AGAP6: variants seen among roughly 807,000 people sequenced by gnomAD.
The protein encoded by AGAP6 is arf-GAP with GTPase, ANK repeat and PH domain-containing protein 6.
A neutral mutation model predicts 63.9 loss-of-function variants in AGAP6; 29 were observed. That is an observed-to-expected ratio of 0.45 (90% CI 0.34 to 0.62). The LOEUF is 0.62. AGAP6 is among the 20% of genes least tolerant of loss of function. The pLI, the probability that AGAP6 is intolerant of heterozygous loss-of-function variation, is 0.01. For synonymous variants in AGAP6, 199 were observed against 332.9 expected, an observed-to-expected ratio of 0.60 and a Z score of 4.38; for missense variants, 493 against 884.9, an observed-to-expected ratio of 0.56 and a Z score of 5.62.
At position 49,992,386 on chromosome 10, in the gene AGAP6, G is replaced by A. The variant is rs533106399; in HGVS notation, c.361+642G>A. On this transcript the variant is annotated intron_variant, in intron 3 of 7. Transcript: ENST00000412531. Reference sequence around the variant, plus strand: ...CAAGCCATACACAGCCAAGTTTTCCGGTTGACTTAAACAGCAAGAATACAA... The same window carrying A: ...CAAGCCATACACAGCCAAGTTTTCCAGTTGACTTAAACAGCAAGAATACAA... Among the ~76,000 whole-genome samples the A allele has an allele frequency of 2.2e-4, 33 of 152,162 alleles. No homozygotes were observed. In the East Asian group the frequency reaches 3.1e-3, roughly 14 times the overall value.
rs782270146 is a variant in AGAP6 at position 49,994,438 on chromosome 10, A to G, written c.396+9A>G. The G allele has an allele frequency of 3.3e-6, 5 of 1,526,806 alleles. No individual in the cohort carries two copies. The highest frequency in any genetic ancestry group is 2.3e-5 in the South Asian group (2 of 88,384). 94.6% of individuals were successfully genotyped at this position (1,526,806 alleles called of 1,614,324 possible). On this transcript the variant is annotated intron_variant, in intron 4 of 7. Transcript: ENST00000412531. ...GCAACTGTACAAACCATGTAAGTAA[A>G]CACTCAAATACTTAAGAAATTGATA...
chr10:49,996,443 T>C (rs1265715385), intron 4 of AGAP6, among the ~76,000 whole-genome samples: 1 of 152,004 alleles, frequency 6.6e-6, no homozygotes, highest in Non-Finnish European at 1.5e-5. Context: ...GAGACCTCAG[T>C]GTATTATCTG....
rs782530635 is a variant in AGAP6, at chr10:50,008,737, A to C, written c.612A>C (p.Lys204Asn). 37 of 1,614,102 alleles carry C rather than the reference A, an allele frequency of 2.3e-5. No individual in the cohort carries two copies. Among genetic ancestry groups the C allele is most frequent in the Non-Finnish European group, 1.7e-6 (2 of 1,180,002 alleles). ...FAVSTVHIMK[K>N]RNGGGSLNNY... is the part of the protein sequence containing the mutation. ...TTTCCACCGTGCACATTATGAAGAAAAGAAATGGAGGTGGGAGTTTAAATA... is the reference window on the plus strand; with the variant it reads ...TTTCCACCGTGCACATTATGAAGAACAGAAATGGAGGTGGGAGTTTAAATA... Residue 204 changes from lysine to asparagine, a missense_variant, in exon 8 of 8, where the codon AAA (lysine) becomes AAC (asparagine). Lys to Asn is a moderately conservative substitution (Grantham distance 94, BLOSUM62 0). This residue lies in a region of AGAP6 where 342 missense variants were observed against 533.4 expected (regional missense o/e 0.64). Coordinates refer to ENST00000412531, the MANE Select transcript of AGAP6 (RefSeq NM_001077665.3).
At chr10:50,004,157 C>T (rs1487683202) in intron 5 of AGAP6, among the ~76,000 whole-genome samples, 1 of 151,452 alleles carries the variant, frequency 6.6e-6, no homozygotes, top group East Asian at 2.0e-4. Flanking sequence ...TGCACTCCAG[C>T]CTGGGCAACA....
intron 4 of AGAP6, among the ~76,000 whole-genome samples, chr10:49,997,713 A>G (rs1841543730): frequency 6.6e-6 from 1 of 151,414 alleles, no homozygotes; most frequent in Admixed American, 6.6e-5. Context: ...ATGATTTGTG[A>G]GATTTAGGTG....
At chr10:49,990,432 G>A (rs1412180883) in intron 2 of AGAP6, among the ~76,000 whole-genome samples, 6 of 152,190 alleles carry the variant, frequency 3.9e-5, no homozygotes, top group African/African-American at 1.4e-4. Context: ...GTGACAGAGC[G>A]AGACTCCGTC....
intron 3 of AGAP6, 84 bp from the exon 4 acceptor site, chr10:49,994,311 G>C (rs1484606695): frequency 3.6e-6 from 5 of 1,369,876 alleles, no homozygotes; most frequent in Non-Finnish European, 4.9e-6. Flanking sequence ...ATTTTACGTA[G>C]GAGTAATCAG....
intron 2 of AGAP6, among the ~76,000 whole-genome samples, chr10:49,991,221 G>C (rs1368302919): frequency 4.0e-5 from 6 of 151,664 alleles, no homozygotes; most frequent in Non-Finnish European, 5.9e-5. Context: ...TGAAATGGAA[G>C]TGACAGATAC....
rs185994507 is a variant in AGAP6, at chr10:49,995,885, G to A, written c.396+1456G>A. Reference sequence around the variant, plus strand: ...TGTTGTTCTTGAATCTATTGCCAGTGTGTGATACGTTATTTACAACCAGGT... The same window carrying A: ...TGTTGTTCTTGAATCTATTGCCAGTATGTGATACGTTATTTACAACCAGGT... On this transcript the variant is annotated intron_variant, in intron 4 of 7. Coordinates refer to ENST00000412531, the MANE Select transcript of AGAP6 (RefSeq NM_001077665.3). 3.3e-3 allele frequency among the ~76,000 whole-genome samples: 510 copies of A among 152,302 alleles called. 4 individuals carry two copies. Among genetic ancestry groups the A allele is most frequent in the African/African-American group, 0.011 (476 of 41,566 alleles).
In AGAP6 at chr10:49,991,737, A is replaced by G. The variant is rs1467670315; in HGVS notation, c.354A>G (p.Gln118=). ...GCACAATATTCCAGAGGAACTCTCA[A>G]ACAGATGGTGAGACGACATTGTCTT... The part of the protein sequence containing the change: ...EASTIFQRNS[Q]TDVVEIRRSN... Residue 118 remains glutamine (Q), a synonymous_variant, in exon 3 of 8, where the codon CAA becomes CAG. Coordinates refer to ENST00000412531, the MANE Select transcript of AGAP6 (RefSeq NM_001077665.3). 1.3e-6 allele frequency: 2 copies of G among 1,598,552 alleles called. No individual in the cohort carries two copies. Among genetic ancestry groups the G allele is most frequent in the Non-Finnish European group, 1.7e-6 (2 of 1,179,748 alleles).
In AGAP6 at chr10:49,989,882, T is replaced by A. The variant is rs564418787; in HGVS notation, c.292+506T>A. Among the ~76,000 whole-genome samples, 654 of 152,322 alleles carry A rather than the reference T, an allele frequency of 4.3e-3. 1 individual carries two copies. The highest frequency in any genetic ancestry group is 7.9e-3 in the Non-Finnish European group (537 of 68,014). ...CTATGAGGCTCTGATTACTTTAAAATTCTTACTTTAACAGAAAATGTGTCT... is the reference window on the plus strand; with the variant it reads ...CTATGAGGCTCTGATTACTTTAAAAATCTTACTTTAACAGAAAATGTGTCT... On this transcript the variant is annotated intron_variant, in intron 2 of 7. Transcript: ENST00000412531.
chr10:49,994,482 T>G, intron 4 of AGAP6, 53 bp downstream of exon 4: 2 of 1,512,040 alleles, frequency 1.3e-6, no homozygotes, highest in Non-Finnish European at 1.8e-6. Context: ...TAAAAGGATG[T>G]CTCTCTTGAT....
At chr10:50,008,129 T>G in intron 7 of AGAP6, 53 bp downstream of exon 7, 1 of 1,611,788 alleles carries the variant, frequency 6.2e-7, no homozygotes, top group Non-Finnish European at 8.5e-7. Context: ...TGTATCTGTT[T>G]CATGCTGAAG....
rs781968202 is a variant in AGAP6 at position 50,009,301 on chromosome 10, C to T, written c.1176C>T (p.Pro392=). Residue 392 remains proline (P), a synonymous_variant, in exon 8 of 8, where the codon CCC becomes CCT. Transcript: ENST00000412531. The stretch of plus-strand genomic sequence containing the variant: ...CCACCAGCCCCAAGCTCAACCCGCC[C>T]CCCTCTCCTCATGCTAATAAAAAGA... The part of the protein sequence containing the change: ...SSTTSPKLNP[P]PSPHANKKKH... 10 of 1,614,066 alleles carry T rather than the reference C, an allele frequency of 6.2e-6. No individual in the cohort carries two copies. The African/African-American group carries it at 9.3e-5, about 15-fold the overall frequency.
In AGAP6 at chr10:50,005,481, C is replaced by T. The variant is rs1171580240; in HGVS notation, c.533+761C>T. ...AAAAACTTAGCTGGGCGTGGTGGCA[C>T]GCACCTGTAGTCCCACCTATTCTGG... On this transcript the variant is annotated intron_variant, in intron 6 of 7. Coordinates refer to ENST00000412531, the MANE Select transcript of AGAP6 (RefSeq NM_001077665.3). Among the ~76,000 whole-genome samples the T allele has an allele frequency of 3.5e-4, 53 of 152,100 alleles. 1 individual carries two copies. The highest frequency in any genetic ancestry group is 2.8e-3 in the Admixed American group (43 of 15,262).
chr10:50,003,722 T>C (rs1490512122), intron 5 of AGAP6, among the ~76,000 whole-genome samples: 2 of 152,212 alleles, frequency 1.3e-5, no homozygotes, highest in African/African-American at 4.8e-5. Context: ...CACTGCTTAA[T>C]TTGAGTTTAG....
intron 3 of AGAP6, among the ~76,000 whole-genome samples, chr10:49,993,635 G>C (rs1554861492): frequency 6.6e-6 from 1 of 152,022 alleles, no homozygotes; most frequent in Non-Finnish European, 1.5e-5. Flanking sequence ...GGCTAACACA[G>C]TGTAACTCTG....
intron 2 of AGAP6, among the ~76,000 whole-genome samples, chr10:49,991,460 G>A (rs1415761760): frequency 1.3e-5 from 2 of 148,804 alleles, no homozygotes; most frequent in Non-Finnish European, 3.0e-5. Context: ...CCTGACCTGG[G>A]TTCAAGTGAT....
chr10:50,006,031 T>A (rs1328547515), intron 6 of AGAP6, among the ~76,000 whole-genome samples: 3 of 151,644 alleles, frequency 2.0e-5, no homozygotes, highest in Non-Finnish European at 4.4e-5. Context: ...TAACACTAAA[T>A]CAAAACTTCA....
Sources: gnomAD v4.1 joint callset for allele counts (sites outside exome capture counted in the v4.1 genomes callset) on GRCh38, gnomAD v4.1.1 for gene constraint, gnomAD v4.1.1 regional missense constraint, MANE v1.5 for transcripts, NCBI Gene and HGNC (gene_info 2026-07-23, HGNC 2026-07-21) for gene names.